PRPF8: variants seen among roughly 807,000 people sequenced by gnomAD.
PRPF8 encodes pre-mRNA-processing-splicing factor 8.
In PRPF8, 64 loss-of-function variants were observed where a neutral mutation model predicts 285.9. The observed-to-expected ratio is 0.22, with a 90% CI of 0.18 to 0.28. The LOEUF (loss-of-function observed/expected upper bound fraction) is 0.28, where lower values mean the gene tolerates loss of function less well. Among genes scored for constraint, PRPF8 ranks in the 10% least tolerant of loss-of-function variants. The probability of loss-of-function intolerance (pLI) is 1.00; values close to 1 mark genes in which losing one functional copy is unlikely to be tolerated. For missense variants in PRPF8, 1,426 were observed against 3,026.7 expected, an observed-to-expected ratio of 0.47 and a Z score of 12.41; for synonymous variants, 1,325 against 1,118.2, an observed-to-expected ratio of 1.18 and a Z score of -3.69.
rs1911510136 is a variant in PRPF8 at position 1,658,470 on chromosome 17, A to AC, written c.5376+55dup. ...AGCATGTGTACACACTTAGCCCATT[A>AC]CTCTCCCACAGCCATGTACAGAGTC... On this transcript the variant is annotated intron_variant, in intron 33 of 42. Transcript: ENST00000304992. The surrounding 1 kb of genome is among the most constrained non-coding windows in gnomAD (Gnocchi z 4.1). 1 of 1,612,920 alleles carries AC rather than the reference A, an allele frequency of 6.2e-7. No individual in the cohort carries two copies. Among genetic ancestry groups the AC allele is most frequent in the African/African-American group, 1.3e-5 (1 of 74,716 alleles).
Position 1,675,827 on chromosome 17 carries a change from G to A in PRPF8, c.2680-15C>T. On this transcript the variant is annotated splice_polypyrimidine_tract_variant and intron_variant, in intron 18 of 42. Transcript: ENST00000304992. This position sits in a 1 kb window ranked among gnomAD's most constrained non-coding sequence, Gnocchi z 6.0. ...TCAATGCCCACCTGTGGGACAAGGA[G>A]GCTGGTTCACACCAATCCACCAACT... The A allele has an allele frequency of 6.2e-7, 1 of 1,614,140 alleles. No individual in the cohort carries two copies. The highest frequency in any genetic ancestry group is 8.5e-7 in the Non-Finnish European group (1 of 1,180,018).
At chr17:1,683,487 G>A (rs1428649597) in intron 3 of PRPF8, 46 bp downstream of exon 3, 1 of 1,609,314 alleles carries the variant, frequency 6.2e-7, no homozygotes, top group Non-Finnish European at 8.5e-7. Flanking sequence ...AGGGAGAAGG[G>A]AAAAGGGCCA....
chr17:1,662,733 C>A (rs1489150377), intron 24 of PRPF8, among the ~76,000 whole-genome samples: 1 of 148,916 alleles, frequency 6.7e-6, no homozygotes, highest in African/African-American at 2.5e-5. Flanking sequence ...ACCGTCTCTA[C>A]TAAAAATACA....
intron 14 of PRPF8, 130 bp downstream of exon 14, chr17:1,677,435 A>G: frequency 7.2e-7 from 1 of 1,386,436 alleles, no homozygotes; most frequent in Middle Eastern, 2.2e-4. Context: ...GGTCAGACTC[A>G]TTTCAGAACT....
chr17:1,680,853 G>C, intron 7 of PRPF8, 22 bp from the exon 8 acceptor site: 1 of 1,613,980 alleles, frequency 6.2e-7, no homozygotes, highest in Non-Finnish European at 8.5e-7. Context: ...GGAAGAGTCA[G>C]CCAAAGTTTT....
Position 1,684,579 on chromosome 17 carries a change from G to T in PRPF8, c.-8C>A, listed in dbSNP as rs769906563. ...AGGAAACACTCCGGCCATATCCGGA[G>T]AATCTGGGGAGCGGCGGGATAGAAA... On this transcript the variant is annotated 5_prime_UTR_variant, in exon 2 of 43. Transcript: ENST00000304992. The T allele has an allele frequency of 6.2e-7, 1 of 1,612,350 alleles. No individual in the cohort carries two copies. The highest frequency in any genetic ancestry group is 1.3e-5 in the African/African-American group (1 of 75,058).
intron 2 of PRPF8, 96 bp downstream of exon 2, chr17:1,684,376 C>CA: frequency 8.1e-7 from 1 of 1,229,244 alleles, no homozygotes; most frequent in Non-Finnish European, 1.2e-6. Context: ...GCTGACACCT[C>CA]AGGAGCTGCC....
At position 1,675,720 on chromosome 17, in the gene PRPF8, C is replaced by G. The variant is rs1479922391; in HGVS notation, c.2772G>C (p.Gln924His). The G allele has an allele frequency of 6.2e-7, 1 of 1,614,198 alleles. No individual in the cohort carries two copies. ...GCTTGTCGGCTTCATACCACAGGTA[C>G]TGGTCCAGGTAAGCATCAGTTATCT... ...LEKITDAYLD[Q>H]YLWYEADKRR... The change falls in exon 19 of 43, where the codon CAG becomes CAC. Residue 924 changes from glutamine (Q) to histidine (H), a missense_variant. Gln to His is a conservative substitution (Grantham distance 24). Coordinates refer to ENST00000304992, the MANE Select transcript of PRPF8 (RefSeq NM_006445.4). The surrounding 1 kb of genome is among the most constrained non-coding windows in gnomAD (Gnocchi z 6.0).
At chr17:1,672,156 T>G (rs974061790) in intron 24 of PRPF8, among the ~76,000 whole-genome samples, 5 of 152,188 alleles carry the variant, frequency 3.3e-5, no homozygotes, top group Non-Finnish European at 5.9e-5. Flanking sequence ...CAGACTTAAC[T>G]AAAAAACAGA....
chr17:1,676,227 C>G lies in PRPF8; in HGVS notation c.2532G>C (p.Glu844Asp). 1 of 1,613,946 alleles carries G rather than the reference C, an allele frequency of 6.2e-7. No individual in the cohort carries two copies. The highest frequency in any genetic ancestry group is 1.1e-5 in the South Asian group (1 of 91,076). ...HDTKLLILALERLKEAYSVKS... is the reference protein window; with the variant it reads ...HDTKLLILALDRLKEAYSVKS... Reference sequence around the variant, plus strand: ...CTCACCTATAAGCTTCCTTGAGCCGCTCCAATGCCAAGATGAGCAACTTGG... The same window carrying G: ...CTCACCTATAAGCTTCCTTGAGCCGGTCCAATGCCAAGATGAGCAACTTGG... Residue 844 changes from glutamate (E) to aspartate (D), a missense_variant, in exon 17 of 43, where the codon GAG becomes GAC. Physicochemically the swap from Glu to Asp is conservative, Grantham distance 45. This residue lies in a region of PRPF8 where 70 missense variants were observed against 273.7 expected (regional missense o/e 0.26). Transcript: ENST00000304992. The surrounding 1 kb of genome is among the most constrained non-coding windows in gnomAD (Gnocchi z 6.3).
At chr17:1,684,398 G>A (rs1392636546) in intron 2 of PRPF8, 74 bp downstream of exon 2, 4 of 1,485,842 alleles carry the variant, frequency 2.7e-6, no homozygotes, top group Non-Finnish European at 3.7e-6. Flanking sequence ...AAACGGGGAG[G>A]GTCCCCACCC....
At position 1,679,439 on chromosome 17, in the gene PRPF8, C is replaced by T. The variant is rs779337854; in HGVS notation, c.1290-29G>A. On this transcript the variant is annotated intron_variant, in intron 9 of 42. Transcript: ENST00000304992. This position sits in a 1 kb window ranked among gnomAD's most constrained non-coding sequence, Gnocchi z 4.7. ...GAAAAATAAGCCCACCAGAGTTTGG[C>T]CATCTCTTCTTCCAGACACTCTGCT... The T allele has an allele frequency of 9.3e-6, 15 of 1,612,042 alleles. No homozygotes were observed. In the South Asian group the frequency reaches 1.6e-4, roughly 18 times the overall value.
chr17:1,654,122 C>A, intron 37 of PRPF8, 106 bp from the exon 38 acceptor site: 1 of 1,533,356 alleles, frequency 6.5e-7, no homozygotes, highest in Non-Finnish European at 9.0e-7. Context: ...TATACTCACG[C>A]CCCAGACAAT....
At position 1,673,861 on chromosome 17, in the gene PRPF8, G is replaced by T. The variant is rs755820490; in HGVS notation, c.3331C>A (p.Gln1111Lys). 1 of 1,613,804 alleles carries T rather than the reference G, an allele frequency of 6.2e-7. No homozygotes were observed. The change falls in exon 22 of 43, where the codon CAA becomes AAA. Residue 1111 changes from glutamine (Q) to lysine (K), a missense_variant. Around this residue, in one of 34 missense-constraint regions of PRPF8, gnomAD observed 148 missense variants for 196.2 expected, o/e 0.75. Transcript: ENST00000304992. This position sits in a 1 kb window ranked among gnomAD's most constrained non-coding sequence, Gnocchi z 5.5. ...FTADEARDLIQRYLTEHPDPN... is the reference protein window; with the variant it reads ...FTADEARDLIKRYLTEHPDPN... ...TCAGGGTGCTCTGTCAGGTAACGTT[G>T]AATCAGGTCCCGAGCCTCATCTGCT... is the stretch of plus-strand genomic sequence containing the variant.
chr17:1,655,266 A>G, intron 37 of PRPF8, 84 bp downstream of exon 37: 1 of 1,522,962 alleles, frequency 6.6e-7, no homozygotes, highest in Non-Finnish European at 8.9e-7. Context: ...CCTTCTTGAG[A>G]AACTTCTAAG....
chr17:1,684,444 C>A lies in PRPF8; in HGVS notation c.100+28G>T, dbSNP rs776714850. The A allele has an allele frequency of 1.9e-6, 3 of 1,611,460 alleles. No individual in the cohort carries two copies. The African/African-American group carries it at 4.0e-5, about 22-fold the overall frequency. ...GCGCACACCCGCCCCGCCTCCGGCC[C>A]GCGCGCCGCTCCACACTCTCGCCTC... On this transcript the variant is annotated intron_variant, in intron 2 of 42. Coordinates refer to ENST00000304992, the MANE Select transcript of PRPF8 (RefSeq NM_006445.4).
At position 1,676,443 on chromosome 17, in the gene PRPF8, A is replaced by G. The variant is rs1326590550; in HGVS notation, c.2388+62T>C. 5.0e-6 allele frequency: 8 copies of G among 1,613,644 alleles called. No homozygotes were observed. Among genetic ancestry groups the G allele is most frequent in the Middle Eastern group, 3.3e-4 (2 of 6,082 alleles). On this transcript the variant is annotated intron_variant, in intron 16 of 42. Transcript: ENST00000304992. This position sits in a 1 kb window ranked among gnomAD's most constrained non-coding sequence, Gnocchi z 6.3. Reference sequence around the variant, plus strand: ...CAGAACAAGGTTCAGTCACAACTCTACAGTCCTCCCTCTTGCCCACTCCCC... The same window carrying G: ...CAGAACAAGGTTCAGTCACAACTCTGCAGTCCTCCCTCTTGCCCACTCCCC...
Position 1,659,208 on chromosome 17 carries a change from T to C in PRPF8, c.5138+149A>G. 1.1e-6 allele frequency: 1 copy of C among 881,776 alleles called. No homozygotes were observed. The highest frequency in any genetic ancestry group is 1.8e-6 in the Non-Finnish European group (1 of 549,484). The allele number at this position is 881,776 out of a possible 1,614,324, so 54.6% of individuals were successfully genotyped here. On this transcript the variant is annotated intron_variant, in intron 32 of 42. Coordinates refer to ENST00000304992, the MANE Select transcript of PRPF8 (RefSeq NM_006445.4). The surrounding 1 kb of genome is among the most constrained non-coding windows in gnomAD (Gnocchi z 5.1). Reference sequence around the variant, plus strand: ...GCCCAGCTAATTTTTTGTATTTTGGTAGAGACAGGGTTTCACCATGTTGCC... The same window carrying C: ...GCCCAGCTAATTTTTTGTATTTTGGCAGAGACAGGGTTTCACCATGTTGCC...
At position 1,684,544 on chromosome 17, in the gene PRPF8, G is replaced by A. The variant is rs757564792; in HGVS notation, c.28C>T (p.Pro10Ser). The part of the protein sequence containing the change: MAGVFPYRG[P>S]GNPVPGPLAP... ...AGAGGGCCAGGCACCGGGTTACCCG[G>A]CCCTCGATAAGGAAACACTCCGGCC... The change falls in exon 2 of 43, where the codon CCG (proline) becomes TCG (serine). Residue 10 changes from proline (P) to serine (S), a missense_variant. This residue lies in a region of PRPF8 where 72 missense variants were observed against 80.0 expected (regional missense o/e 0.90). Transcript: ENST00000304992. The A allele has an allele frequency of 5.6e-6, 9 of 1,612,474 alleles. No individual in the cohort carries two copies. The highest frequency in any genetic ancestry group is 6.8e-6 in the Non-Finnish European group (8 of 1,179,872).
Sources: gnomAD v4.1 joint callset for allele counts (sites outside exome capture counted in the v4.1 genomes callset) on GRCh38, gnomAD v4.1.1 for gene constraint, gnomAD v4.1.1 regional missense constraint, Gnocchi (gnomAD v3.1) non-coding constraint, MANE v1.5 for transcripts, NCBI Gene and HGNC (gene_info 2026-07-23, HGNC 2026-07-21) for gene names.